Variants in ZBTB16 observed in about 807,000 individuals in gnomAD.
ZBTB16 encodes the protein zinc finger and BTB domain containing 16.
Under a neutral mutation model 56.8 loss-of-function variants are expected in ZBTB16, and 8 were observed. The ratio of observed to expected loss-of-function variants is 0.14; its 90% confidence interval spans 0.08 to 0.25. The LOEUF is 0.25. Ranked by LOEUF, ZBTB16 falls within the 10% of genes least tolerant of loss-of-function variation. The probability of loss-of-function intolerance (pLI) is 1.00; values close to 1 mark genes in which losing one functional copy is unlikely to be tolerated. For missense variants in ZBTB16, 625 were observed against 903.0 expected (o/e 0.69, Z 3.95); for synonymous variants, 363 against 368.5 (o/e 0.98, Z 0.17).
intron 3 of ZBTB16, among the ~76,000 whole-genome samples, chr11:114,181,553 A>G (rs1442886975): frequency 6.6e-6 from 1 of 152,184 alleles, no homozygotes; most frequent in Non-Finnish European, 1.5e-5. Context: ...ACTTATGTCT[A>G]TTATCCTGTT....
intron 5 of ZBTB16, among the ~76,000 whole-genome samples, chr11:114,242,878 GT>G (rs541529173): frequency 9.3e-4 from 141 of 152,278 alleles, no homozygotes; most frequent in South Asian, 7.7e-3. Context: ...CCTTAACCCT[GT>G]TTAGGGAAGA....
At chr11:114,097,759 C>G (rs1940470458) in intron 2 of ZBTB16, among the ~76,000 whole-genome samples, 1 of 152,122 alleles carries the variant, frequency 6.6e-6, no homozygotes, top group Admixed American at 6.5e-5. Flanking sequence ...CTAGAAAAAT[C>G]TCCCCCTTTT....
intron 3 of ZBTB16, among the ~76,000 whole-genome samples, chr11:114,172,571 A>G (rs1311973041): frequency 6.6e-6 from 1 of 152,118 alleles, no homozygotes; most frequent in Non-Finnish European, 1.5e-5. Context: ...CTCTGCGGCA[A>G]AGTTGTTTCC....
chr11:114,231,339 G>A (rs1029969803), intron 4 of ZBTB16, among the ~76,000 whole-genome samples: 1 of 152,038 alleles, frequency 6.6e-6, no homozygotes, highest in South Asian at 2.1e-4. Flanking sequence ...GGCTTTCTTG[G>A]GGGTCTTCTC....
At chr11:114,080,454 C>A (rs1333885168) in intron 2 of ZBTB16, among the ~76,000 whole-genome samples, 1 of 152,166 alleles carries the variant, frequency 6.6e-6, no homozygotes, top group Non-Finnish European at 1.5e-5. Context: ...CCCTCTCTCT[C>A]TCTCTCTCTC....
At chr11:114,160,814 T>C (rs975406792) in intron 3 of ZBTB16, among the ~76,000 whole-genome samples, 2 of 152,186 alleles carry the variant, frequency 1.3e-5, no homozygotes, top group Non-Finnish European at 2.9e-5. Flanking sequence ...TGAGATGATC[T>C]GGCCAGGCCC....
At chr11:114,142,245 C>T (rs530359164) in intron 2 of ZBTB16, among the ~76,000 whole-genome samples, 55 of 152,236 alleles carry the variant, frequency 3.6e-4, no homozygotes, top group African/African-American at 1.2e-3. Flanking sequence ...GGGCTGCAGC[C>T]GACAACCTTC....
intron 3 of ZBTB16, among the ~76,000 whole-genome samples, chr11:114,170,438 G>A (rs1320119375): frequency 3.9e-5 from 6 of 152,208 alleles, no homozygotes; most frequent in African/African-American, 7.2e-5. Context: ...CCGCGTAGAT[G>A]GAAGCCAGTG....
intron 2 of ZBTB16, among the ~76,000 whole-genome samples, chr11:114,068,017 A>T (rs1939185054): frequency 6.6e-6 from 1 of 151,496 alleles, no homozygotes; most frequent in South Asian, 2.1e-4. Context: ...GGTGGAAAAA[A>T]AAAAACAACA....
At chr11:114,235,619 C>A (rs28559794) in intron 4 of ZBTB16, among the ~76,000 whole-genome samples, 1 of 142,286 alleles carries the variant, frequency 7.0e-6, no homozygotes, top group African/African-American at 2.7e-5. Context: ...TCTTTCTTTC[C>A]CTCTCCCTTC....
chr11:114,207,003 G>A (rs922420221), intron 4 of ZBTB16, among the ~76,000 whole-genome samples: 5 of 152,108 alleles, frequency 3.3e-5, no homozygotes, highest in Non-Finnish European at 5.9e-5. Context: ...CCAGGATGGC[G>A]GCATGCTCTG....
intron 4 of ZBTB16, among the ~76,000 whole-genome samples, chr11:114,210,196 T>TGTGTGTGC (rs1217175270): frequency 5.3e-5 from 8 of 151,156 alleles, no homozygotes; most frequent in Non-Finnish European, 1.2e-4. Flanking sequence ...TGTGTGTGCG[T>TGTGTGTGC]GCGCGCGCGT....
At chr11:114,240,748 G>T (rs1000680485) in intron 4 of ZBTB16, among the ~76,000 whole-genome samples, 10 of 152,316 alleles carry the variant, frequency 6.6e-5, no homozygotes, top group Non-Finnish European at 1.2e-4. Flanking sequence ...GTCAGAAAGG[G>T]ATTGGTAACA....
At chr11:114,195,578 G>C (rs2135086797) in intron 4 of ZBTB16, among the ~76,000 whole-genome samples, 1 of 152,332 alleles carries the variant, frequency 6.6e-6, no homozygotes, top group Non-Finnish European at 1.5e-5. Flanking sequence ...TTGCAGGGAA[G>C]AGGAACCCCA....
chr11:114,247,225 G>A lies in ZBTB16; in HGVS notation c.1652G>A (p.Cys551Tyr). 1 of 1,614,260 alleles carries A rather than the reference G, an allele frequency of 6.2e-7. No individual in the cohort carries two copies. Among genetic ancestry groups the A allele is most frequent in the Non-Finnish European group, 8.5e-7 (1 of 1,180,046 alleles). The change falls in exon 6 of 7, where the codon TGT (cysteine) becomes TAT (tyrosine). Residue 551 changes from cysteine to tyrosine, a missense_variant. Transcript: ENST00000335953. ...TGDHPYECEF[C>Y]GSCFRDESTL... ...GACCACCCCTACGAGTGTGAGTTCT[G>A]TGGCAGCTGCTTCCGGGATGAGAGC... is the stretch of plus-strand genomic sequence containing the variant.
intron 5 of ZBTB16, chr11:114,246,771 A>G (rs1944824956): frequency 1.2e-5 from 3 of 251,220 alleles, no homozygotes; most frequent in South Asian, 1.0e-4. Flanking sequence ...TTGGGGGACA[A>G]TGTGAAGTTC....
At chr11:114,097,832 C>T (rs1207595797) in intron 2 of ZBTB16, among the ~76,000 whole-genome samples, 2 of 152,194 alleles carry the variant, frequency 1.3e-5, no homozygotes, top group Non-Finnish European at 2.9e-5. Context: ...ATCTTCCGCT[C>T]TGATTTTTTT....
At chr11:114,169,221 G>A (rs1942884729) in intron 3 of ZBTB16, among the ~76,000 whole-genome samples, 1 of 152,192 alleles carries the variant, frequency 6.6e-6, no homozygotes, top group Non-Finnish European at 1.5e-5. Context: ...CTGCAGCCCA[G>A]AAATGTGAGA....
intron 2 of ZBTB16, among the ~76,000 whole-genome samples, chr11:114,126,594 A>C (rs528127078): frequency 6.6e-6 from 1 of 152,292 alleles, no homozygotes; most frequent in African/African-American, 2.4e-5. Flanking sequence ...TGTCTTCATC[A>C]AGAATGGGGT....
Sources: allele counts gnomAD v4.1 joint callset (sites outside exome capture counted in the v4.1 genomes callset), GRCh38; gene constraint gnomAD v4.1.1; transcripts MANE v1.5; gene names NCBI Gene and HGNC (gene_info 2026-07-23, HGNC 2026-07-21).